The following CYB5RL variants were observed in gnomAD, a reference collection of about 807,000 sequenced individuals.
The protein encoded by CYB5RL is NADH-cytochrome b5 reductase-like.
In CYB5RL, 38 loss-of-function variants were observed where a neutral mutation model predicts 37.5. That is an observed-to-expected ratio of 1.01 (90% CI 0.78 to 1.33). The LOEUF (loss-of-function observed/expected upper bound fraction) is 1.33. Among genes scored for constraint, CYB5RL ranks in the 40% most tolerant of loss-of-function variants. The pLI, the probability that CYB5RL is intolerant of heterozygous loss-of-function variation, is 0.00. For missense variants in CYB5RL, 388 were observed against 394.4 expected, an observed-to-expected ratio of 0.98 and a Z score of 0.14; for synonymous variants, 141 against 151.9, an observed-to-expected ratio of 0.93 and a Z score of 0.53.
intron 1 of CYB5RL, among the ~76,000 whole-genome samples, chr1:54,197,714 C>T (rs1000220694): frequency 6.6e-6 from 1 of 152,044 alleles, no homozygotes; most frequent in African/African-American, 2.4e-5. Flanking sequence ...GGCCCCTTTC[C>T]TAAATTTAAG....
intron 3 of CYB5RL, among the ~76,000 whole-genome samples, chr1:54,192,979 T>C (rs960488509): frequency 6.6e-6 from 1 of 152,200 alleles, no homozygotes; most frequent in Non-Finnish European, 1.5e-5. Context: ...GGTCTTGAAC[T>C]CCTGAGCTTA....
At position 54,171,053 on chromosome 1, in the gene CYB5RL, A is replaced by C. The variant is rs1388031889; in HGVS notation, c.*3566T>G. The C allele has an allele frequency of 2.3e-6, 1 of 441,156 alleles. No individual in the cohort carries two copies. The highest frequency in any genetic ancestry group is 1.6e-5 in the South Asian group (1 of 61,972). 27.3% of individuals were successfully genotyped at this position (441,156 alleles called of 1,614,324 possible). A position where few individuals can be genotyped will look rare whatever the true frequency, so the allele number is the denominator to read the frequency against. The stretch of plus-strand genomic sequence containing the variant: ...TCATGCTCACATGCAGATGACACTT[A>C]TGGGTACAGCGACAGAAAAGCACAC... On this transcript the variant is annotated 3_prime_UTR_variant, in exon 8 of 8. Coordinates refer to ENST00000534324, the MANE Select transcript of CYB5RL (RefSeq NM_001031672.4).
chr1:54,197,157 G>A (rs1457314894), intron 1 of CYB5RL, among the ~76,000 whole-genome samples: 1 of 152,140 alleles, frequency 6.6e-6, no homozygotes. Flanking sequence ...GATTAAACAA[G>A]TCTAGATATG....
intron 3 of CYB5RL, among the ~76,000 whole-genome samples, chr1:54,193,308 CAAG>C (rs1643973651): frequency 6.6e-6 from 1 of 152,118 alleles, no homozygotes; most frequent in South Asian, 2.1e-4. Context: ...GATATTTTGG[CAAG>C]AAGATGGACG....
At position 54,195,692 on chromosome 1, in the gene CYB5RL, C is replaced by T. The variant is rs184531806; in HGVS notation, c.-76G>A. The T allele has an allele frequency of 1.2e-3, 1,855 of 1,486,494 alleles. 36 individuals carry two copies. In the Admixed American group the frequency reaches 0.029, roughly 23 times the overall value. The allele number at this position is 1,486,494 out of a possible 1,614,324, so 92.1% of individuals were successfully genotyped here. A position where few individuals can be genotyped will look rare whatever the true frequency, so the allele number is the denominator to read the frequency against. On this transcript the variant is annotated 5_prime_UTR_variant, in exon 3 of 8. Transcript: ENST00000534324. ...AGGCCAGGCTCTATGAGACCACGGG[C>T]GCAGGCCCTGCTCCTTGGCCAGCCT...
chr1:54,189,258 C>T (rs1262048704), intron 4 of CYB5RL, among the ~76,000 whole-genome samples: 1 of 152,134 alleles, frequency 6.6e-6, no homozygotes, highest in Non-Finnish European at 1.5e-5. Context: ...CAGAGCATGG[C>T]TTGGCTGCAG....
rs1044249148 is a variant in CYB5RL at position 54,174,320 on chromosome 1, C to T, written c.*299G>A. 4 of 406,644 alleles carry T rather than the reference C, an allele frequency of 9.8e-6. No homozygotes were observed. The East Asian group carries it at 2.0e-4, about 20-fold the overall frequency. 25.2% of individuals were successfully genotyped at this position (406,644 alleles called of 1,614,324 possible). On this transcript the variant is annotated 3_prime_UTR_variant, in exon 8 of 8. Transcript: ENST00000534324. Reference sequence around the variant, plus strand: ...TGCCCAACTCCTACTCCTCCTGGGGCTCAGCCTGGACTTGGCTTCCTCTGA... The same window carrying T: ...TGCCCAACTCCTACTCCTCCTGGGGTTCAGCCTGGACTTGGCTTCCTCTGA...
chr1:54,178,433 G>T (rs1219219729), intron 7 of CYB5RL, among the ~76,000 whole-genome samples: 1 of 152,160 alleles, frequency 6.6e-6, no homozygotes, highest in Non-Finnish European at 1.5e-5. Context: ...GGCCACCAAA[G>T]GTAGCTGAGG....
Position 54,195,435 on chromosome 1 carries a change from C to G in CYB5RL, c.182G>C (p.Arg61Pro). 6.2e-7 allele frequency: 1 copy of G among 1,600,482 alleles called. No individual in the cohort carries two copies. ...AQASKDRSLL[R>P]GPESQSCPSK... ...CTCTCTCACCTGTGACTCTGGCCCACGCAGCAGGCTCCTGTCCTTGCTGGC... is the reference window on the plus strand; with the variant it reads ...CTCTCTCACCTGTGACTCTGGCCCAGGCAGCAGGCTCCTGTCCTTGCTGGC... Residue 61 changes from arginine (R) to proline (P), a missense_variant, in exon 3 of 8, where the codon CGT becomes CCT. Transcript: ENST00000534324.
intron 6 of CYB5RL, among the ~76,000 whole-genome samples, chr1:54,183,146 A>G (rs994311912): frequency 6.6e-6 from 1 of 152,242 alleles, no homozygotes; most frequent in Non-Finnish European, 1.5e-5. Context: ...ATCTTACAGC[A>G]TAAGTATATA....
At chr1:54,182,461 GT>G in intron 6 of CYB5RL, among the ~76,000 whole-genome samples, 1 of 150,294 alleles carries the variant, frequency 6.7e-6, no homozygotes, top group East Asian at 2.0e-4. Context: ...GCCTGTGAGT[GT>G]TTTTTCTTTT....
chr1:54,171,320 A>G lies in CYB5RL; in HGVS notation c.*3299T>C, dbSNP rs1043113831. On this transcript the variant is annotated 3_prime_UTR_variant, in exon 8 of 8. Coordinates refer to ENST00000534324, the MANE Select transcript of CYB5RL (RefSeq NM_001031672.4). The stretch of plus-strand genomic sequence containing the variant: ...GCGGTGGCATACAAAAAGTCTGGAG[A>G]GGTGGCAGAGCAGAGAGGCCCTACC... 24 of 456,208 alleles carry G rather than the reference A, an allele frequency of 5.3e-5. No homozygotes were observed. Among genetic ancestry groups the G allele is most frequent in the African/African-American group, 4.6e-4 (23 of 49,996 alleles). The allele number at this position is 456,208 out of a possible 1,614,324, so 28.3% of individuals were successfully genotyped here. A position where few individuals can be genotyped will look rare whatever the true frequency, so the allele number is the denominator to read the frequency against.
At chr1:54,189,159 G>GGA (rs1643927421) in intron 4 of CYB5RL, among the ~76,000 whole-genome samples, 1 of 151,520 alleles carries the variant, frequency 6.6e-6, no homozygotes, top group Admixed American at 6.6e-5. Flanking sequence ...CTCCAACCTG[G>GGA]GTGACAGAGT....
intron 2 of CYB5RL, among the ~76,000 whole-genome samples, chr1:54,196,105 G>C (rs1387938495): frequency 6.6e-6 from 1 of 152,326 alleles, no homozygotes; most frequent in East Asian, 1.9e-4. Context: ...GGTAACCAAG[G>C]TTTCCTGATC....
chr1:54,179,381 G>C, intron 6 of CYB5RL, 29 bp from the exon 7 acceptor site: 1 of 1,598,240 alleles, frequency 6.3e-7, no homozygotes, highest in South Asian at 1.1e-5. Context: ...ATGTATGACA[G>C]GTGGGTTGGG....
chr1:54,190,969 C>G (rs1643946642), intron 3 of CYB5RL, 73 bp from the exon 4 acceptor site: 4 of 1,542,794 alleles, frequency 2.6e-6, no homozygotes, highest in Non-Finnish European at 3.5e-6. Context: ...GCATCCTTCC[C>G]ACTGTCCCCA....
Position 54,184,169 on chromosome 1 carries a change from G to A in CYB5RL, c.532C>T (p.Pro178Ser), listed in dbSNP as rs1409985969. The A allele has an allele frequency of 6.2e-7, 1 of 1,613,126 alleles. No individual in the cohort carries two copies. Among genetic ancestry groups the A allele is most frequent in the Admixed American group, 1.7e-5 (1 of 59,910 alleles). Residue 178 changes from proline to serine, a missense_variant, in exon 6 of 8, where the codon CCA becomes TCA. Pro to Ser is a moderately conservative substitution (Grantham distance 74, BLOSUM62 -1). Coordinates refer to ENST00000534324, the MANE Select transcript of CYB5RL (RefSeq NM_001031672.4). ...AAGGTGCTGGCACTGACCTGGTTTG[G>A]TTTATAGAAGAAATCTCCGAAAGGT... ...RGPFGDFFYK[P>S]NQYGELLLLA...
intron 3 of CYB5RL, 45 bp downstream of exon 3, chr1:54,195,374 T>C (rs1199901347): frequency 1.3e-6 from 2 of 1,506,602 alleles, no homozygotes; most frequent in South Asian, 1.3e-5. Context: ...CCAAGGCAAG[T>C]AGATTGTTGC....
chr1:54,198,114 G>A (rs1415902052), intron 1 of CYB5RL, among the ~76,000 whole-genome samples: 3 of 150,846 alleles, frequency 2.0e-5, no homozygotes, highest in African/African-American at 7.3e-5. Flanking sequence ...CATATGGAAG[G>A]TTCCCTATGA....
Sources: allele counts gnomAD v4.1 joint callset (sites outside exome capture counted in the v4.1 genomes callset), GRCh38; gene constraint gnomAD v4.1.1; transcripts MANE v1.5; gene names NCBI Gene and HGNC (gene_info 2026-07-23, HGNC 2026-07-21).